Variants in CMTM8 observed in about 807,000 individuals in gnomAD.
The protein encoded by CMTM8 is CKLF-like MARVEL transmembrane domain-containing protein 8.
A neutral mutation model predicts 18.6 loss-of-function variants in CMTM8; 12 were observed. The observed-to-expected ratio is 0.65, with a 90% CI of 0.41 to 1.05. The LOEUF is 1.05. Among genes scored for constraint, CMTM8 ranks in the 50% least tolerant of loss-of-function variants. CMTM8 has a pLI of 0.00. For missense variants in CMTM8, 217 were observed against 227.2 expected (o/e 0.95, Z 0.29); for synonymous variants, 87 against 90.6 (o/e 0.96, Z 0.23).
At chr3:32,307,737 T>C (rs1695744727) in intron 1 of CMTM8, among the ~76,000 whole-genome samples, 1 of 152,158 alleles carries the variant, frequency 6.6e-6, no homozygotes, top group Non-Finnish European at 1.5e-5. Flanking sequence ...TGGAAGGTTG[T>C]TAAATCGGAG....
chr3:32,326,515 CTTTTTTTTTTT>C (rs58555396), intron 1 of CMTM8, among the ~76,000 whole-genome samples: 3 of 113,372 alleles, frequency 2.6e-5, no homozygotes, highest in Admixed American at 2.0e-4. Context: ...TTCTTTCTTT[CTTTTTTTTTTT>C]TTTTTTTTTT....
intron 1 of CMTM8, among the ~76,000 whole-genome samples, chr3:32,339,501 C>T (rs1696452408): frequency 6.6e-6 from 1 of 152,188 alleles, no homozygotes; most frequent in African/African-American, 2.4e-5. Context: ...GCAATCCAGA[C>T]ATGCTTCTGC....
chr3:32,298,974 CAG>C lies in CMTM8; in HGVS notation c.148-58398_148-58397del, dbSNP rs552958003. On this transcript the variant is annotated intron_variant, in intron 1 of 3. Transcript: ENST00000307526. Reference sequence around the variant, plus strand: ...ATATATATTTTTTTTTTTTTAGAGACAGGGGTCCAGGCTATGTTGCCCAAGCC... The same window carrying C: ...ATATATATTTTTTTTTTTTTAGAGACGGGTCCAGGCTATGTTGCCCAAGCC... Among the ~76,000 whole-genome samples, 711 of 133,374 alleles carry C rather than the reference CAG, an allele frequency of 5.3e-3. 6 individuals are homozygous for C. Among genetic ancestry groups the C allele is most frequent in the African/African-American group, 0.019 (669 of 34,998 alleles). 87.5% of individuals were successfully genotyped at this position (133,374 alleles called of 152,430 possible).
chr3:32,303,651 AT>A (rs1325323920), intron 1 of CMTM8, among the ~76,000 whole-genome samples: 2 of 152,030 alleles, frequency 1.3e-5, no homozygotes, highest in East Asian at 1.9e-4. Flanking sequence ...ATTTTGAAAA[AT>A]TTCAAATCTG....
intron 1 of CMTM8, among the ~76,000 whole-genome samples, chr3:32,330,680 A>G (rs1575179663): frequency 6.6e-6 from 1 of 152,306 alleles, no homozygotes; most frequent in East Asian, 1.9e-4. Context: ...TGGATAATAG[A>G]TCACTTTCCA....
In CMTM8 at chr3:32,280,846, C is replaced by CAAA. The variant is rs60845487; in HGVS notation, c.147+41749_147+41751dup. 3.9e-3 allele frequency among the ~76,000 whole-genome samples: 263 copies of CAAA among 68,112 alleles called. 2 individuals carry two copies. Among genetic ancestry groups the CAAA allele is most frequent in the African/African-American group, 8.8e-3 (142 of 16,212 alleles). 44.7% of individuals were successfully genotyped at this position (68,112 alleles called of 152,430 possible). A position where few individuals can be genotyped will look rare whatever the true frequency, so the allele number is the denominator to read the frequency against. On this transcript the variant is annotated intron_variant, in intron 1 of 3. Transcript: ENST00000307526. ...GGTCTCCAACACGAGAGAAAATAGG[C>CAAA]AAAAAAAAAAAAAAAAAAAAAAAAG...
At position 32,260,172 on chromosome 3, in the gene CMTM8, G is replaced by A. The variant is rs9883973; in HGVS notation, c.147+21053G>A. Reference sequence around the variant, plus strand: ...ACCATCCAAAAGACCACCACCTGCCGGAGAGTGGATGGCAAAGTGGTGTCT... The same window carrying A: ...ACCATCCAAAAGACCACCACCTGCCAGAGAGTGGATGGCAAAGTGGTGTCT... On this transcript the variant is annotated intron_variant, in intron 1 of 3. Coordinates refer to ENST00000307526, the MANE Select transcript of CMTM8 (RefSeq NM_178868.5). 997 of 1,214,052 alleles carry A rather than the reference G, an allele frequency of 8.2e-4. 8 individuals carry two copies. In the African/African-American group the frequency reaches 0.013, roughly 16 times the overall value. The allele number at this position is 1,214,052 out of a possible 1,614,324, so 75.2% of individuals were successfully genotyped here.
chr3:32,369,818 AATG>A, intron 3 of CMTM8, 63 bp from the exon 4 acceptor site: 1 of 1,038,144 alleles, frequency 9.6e-7, no homozygotes, highest in Non-Finnish European at 1.5e-6. Context: ...ATGGAGGTGA[AATG>A]ATAACTTTTG....
chr3:32,243,268 C>T (rs999337169), intron 1 of CMTM8, among the ~76,000 whole-genome samples: 4 of 151,898 alleles, frequency 2.6e-5, no homozygotes, highest in Non-Finnish European at 5.9e-5. Flanking sequence ...TGGTGGTTCA[C>T]ACCTGCAGTC....
chr3:32,316,017 C>CTTTTT (rs150112865), intron 1 of CMTM8, among the ~76,000 whole-genome samples: 5 of 65,036 alleles, frequency 7.7e-5, no homozygotes, highest in Non-Finnish European at 8.1e-5. Context: ...GTGATTCCAC[C>CTTTTT]TTTTTTTTTT....
intron 1 of CMTM8, among the ~76,000 whole-genome samples, chr3:32,295,217 A>T (rs748033205): frequency 2.6e-5 from 4 of 152,066 alleles, no homozygotes; most frequent in Non-Finnish European, 5.9e-5. Context: ...GCCCTTTGGG[A>T]GGCCAAGGCA....
At chr3:32,314,482 T>A (rs1273866198) in intron 1 of CMTM8, among the ~76,000 whole-genome samples, 283 of 20,488 alleles carry the variant, frequency 0.014, 2 homozygotes, top group African/African-American at 0.064. Context: ...GCCAGAAAAT[T>A]TTTTTTTTTT....
chr3:32,261,649 T>C (rs1702260516), intron 1 of CMTM8, among the ~76,000 whole-genome samples: 1 of 152,234 alleles, frequency 6.6e-6, no homozygotes, highest in Admixed American at 6.5e-5. Context: ...ACGTTCATTG[T>C]CTCAGTTGAT....
chr3:32,255,480 C>T (rs1175411415), intron 1 of CMTM8, among the ~76,000 whole-genome samples: 1 of 152,086 alleles, frequency 6.6e-6, no homozygotes, highest in African/African-American at 2.4e-5. Flanking sequence ...TAGACTTAAC[C>T]ACAAATTTAA....
At chr3:32,263,980 T>C (rs1316849541) in intron 1 of CMTM8, among the ~76,000 whole-genome samples, 1 of 152,234 alleles carries the variant, frequency 6.6e-6, no homozygotes, top group Non-Finnish European at 1.5e-5. Flanking sequence ...CTGATTGGTG[T>C]ACCTGAAAGT....
chr3:32,328,694 A>G (rs1368767961), intron 1 of CMTM8, among the ~76,000 whole-genome samples: 1 of 152,210 alleles, frequency 6.6e-6, no homozygotes, highest in Non-Finnish European at 1.5e-5. Flanking sequence ...AAAGTATCAT[A>G]AAAGACTACT....
chr3:32,315,128 CT>C (rs774058477), intron 1 of CMTM8, among the ~76,000 whole-genome samples: 77 of 138,538 alleles, frequency 5.6e-4, no homozygotes, highest in Admixed American at 8.0e-4. Flanking sequence ...TCTTCTTCTT[CT>C]TTTTTTTTTT....
intron 1 of CMTM8, chr3:32,258,977 G>C: frequency 3.1e-6 from 1 of 327,220 alleles, no homozygotes; most frequent in Non-Finnish European, 5.9e-6. Flanking sequence ...TCCTCCAACT[G>C]CCAGTCCGTG....
chr3:32,328,824 AT>A (rs1306300531), intron 1 of CMTM8, among the ~76,000 whole-genome samples: 1 of 152,196 alleles, frequency 6.6e-6, no homozygotes, highest in Non-Finnish European at 1.5e-5. Context: ...TAGTAAAAAG[AT>A]GGAATCAGTA....
Sources: gnomAD v4.1 joint callset for allele counts (sites outside exome capture counted in the v4.1 genomes callset) on GRCh38, gnomAD v4.1.1 for gene constraint, MANE v1.5 for transcripts, NCBI Gene and HGNC (gene_info 2026-07-23, HGNC 2026-07-21) for gene names.